Variants in GPHN observed in about 807,000 individuals in gnomAD.
GPHN encodes gephyrin.
A neutral mutation model predicts 95.5 loss-of-function variants in GPHN; 17 were observed. The ratio of observed to expected loss-of-function variants is 0.18; its 90% CI spans 0.12 to 0.27. GPHN has a LOEUF of 0.27. Ranked by LOEUF, GPHN falls within the 10% of genes least tolerant of loss-of-function variation. The probability of loss-of-function intolerance (pLI) is 1.00; values close to 1 mark genes in which losing one functional copy is unlikely to be tolerated. For missense variants in GPHN, 660 were observed against 978.1 expected (o/e 0.67, Z 4.34); for synonymous variants, 320 against 322.5 (o/e 0.99, Z 0.08).
intron 2 of GPHN, among the ~76,000 whole-genome samples, chr14:66,708,115 G>C (rs745665853): frequency 5.3e-5 from 8 of 151,974 alleles, no homozygotes; most frequent in Non-Finnish European, 7.4e-5. Context: ...TCATAAAAGT[G>C]CTCAGTATCA....
the GPHN span, chr14:67,203,368 A>G: frequency 8.0e-7 from 1 of 1,250,446 alleles, no homozygotes; most frequent in Non-Finnish European, 1.1e-6. Flanking sequence ...AAACGGAAAC[A>G]CTGATGACAA....
chr14:67,110,350 T>G, intron 14 of GPHN, 91 bp downstream of exon 14: 1 of 1,415,448 alleles, frequency 7.1e-7, no homozygotes, highest in Non-Finnish European at 1.0e-6. Flanking sequence ...ATTAACCCAG[T>G]TTTTTGGGTT....
intron 5 of GPHN, among the ~76,000 whole-genome samples, chr14:66,899,979 A>C (rs2065049257): frequency 6.6e-6 from 1 of 151,860 alleles, no homozygotes; most frequent in South Asian, 2.1e-4. Context: ...TATATGGTTA[A>C]TGTAGTATTT....
At chr14:66,933,283 C>G (rs896812871) in intron 8 of GPHN, among the ~76,000 whole-genome samples, 2 of 152,212 alleles carry the variant, frequency 1.3e-5, no homozygotes, top group African/African-American at 4.8e-5. Flanking sequence ...GTTATGTTAA[C>G]TTTGAATGCT....
At chr14:67,204,831 C>A in the GPHN span, 1 of 1,613,982 alleles carries the variant, frequency 6.2e-7, no homozygotes, top group Non-Finnish European at 8.5e-7. Flanking sequence ...TGACCCCGTA[C>A]ATGTATGCAG....
intron 19 of GPHN, among the ~76,000 whole-genome samples, chr14:67,163,650 T>C (rs2082091538): frequency 6.6e-6 from 1 of 152,124 alleles, no homozygotes; most frequent in South Asian, 2.1e-4. Context: ...AGTGTCACTG[T>C]ATTATTGCAA....
Position 66,872,542 on chromosome 14 carries a change from T to C in GPHN, c.295-7397T>C, listed in dbSNP as rs549558873. Among the ~76,000 whole-genome samples the C allele has an allele frequency of 1.6e-4, 25 of 152,296 alleles. No homozygotes were observed. The East Asian group carries it at 4.3e-3, about 26-fold the overall frequency. On this transcript the variant is annotated intron_variant, in intron 4 of 22. Coordinates refer to ENST00000478722, the MANE Select transcript of GPHN (RefSeq NM_020806.5). Reference sequence around the variant, plus strand: ...GTCTTTAGGAAAATTTAGGAGACTTTAGGAAAATGAAATTTTCCTTTCATT... The same window carrying C: ...GTCTTTAGGAAAATTTAGGAGACTTCAGGAAAATGAAATTTTCCTTTCATT...
At chr14:66,790,468 A>T (rs2059932878) in intron 3 of GPHN, among the ~76,000 whole-genome samples, 1 of 152,192 alleles carries the variant, frequency 6.6e-6, no homozygotes, top group Admixed American at 6.5e-5. Flanking sequence ...GTAAATTTTG[A>T]GTTTGAAATG....
At chr14:67,028,069 T>C (rs940537660) in intron 10 of GPHN, among the ~76,000 whole-genome samples, 3 of 152,172 alleles carry the variant, frequency 2.0e-5, no homozygotes, top group African/African-American at 7.2e-5. Flanking sequence ...ATCACTCTGC[T>C]CACTGCCTCA....
At chr14:67,733,183 C>G in the GPHN span, among the ~76,000 whole-genome samples, 2 of 152,120 alleles carry the variant, frequency 1.3e-5, no homozygotes, top group Non-Finnish European at 2.9e-5. Context: ...CTCCCACCCC[C>G]TATCCCTCTA....
chr14:67,726,700 C>A, the GPHN span, among the ~76,000 whole-genome samples: 1 of 152,136 alleles, frequency 6.6e-6, no homozygotes, highest in Admixed American at 6.5e-5. Flanking sequence ...CCTAGTTATG[C>A]GATCATGGCC....
intron 9 of GPHN, among the ~76,000 whole-genome samples, chr14:66,998,885 A>AT (rs1221805597): frequency 8.7e-5 from 12 of 138,626 alleles, no homozygotes; most frequent in African/African-American, 2.9e-4. Flanking sequence ...TGTAAAAAAA[A>AT]AAAATATATA....
the GPHN span, among the ~76,000 whole-genome samples, chr14:67,416,618 A>G: frequency 6.6e-6 from 1 of 152,250 alleles, no homozygotes; most frequent in Admixed American, 6.5e-5. Context: ...ATGTATATTC[A>G]TTCATCTGTC....
At chr14:66,832,901 G>T (rs1321207337) in intron 4 of GPHN, among the ~76,000 whole-genome samples, 1 of 152,122 alleles carries the variant, frequency 6.6e-6, no homozygotes, top group Non-Finnish European at 1.5e-5. Context: ...GAAAAAGGAA[G>T]ACCTTAAAGG....
chr14:67,380,596 T>TATCA, the GPHN span: 2 of 857,560 alleles, frequency 2.3e-6, no homozygotes, highest in Non-Finnish European at 3.5e-6. Context: ...CCATAGTGTT[T>TATCA]GGTTTCACAT....
the GPHN span, among the ~76,000 whole-genome samples, chr14:67,548,976 C>T: frequency 0.19 from 29,296 of 152,244 alleles, 3,765 homozygotes; most frequent in Non-Finnish European, 0.29. Context: ...GCTCCTTCCA[C>T]CTCATATGGA....
the GPHN span, among the ~76,000 whole-genome samples, chr14:67,599,030 ATAGT>A: frequency 3.9e-5 from 6 of 152,188 alleles, no homozygotes; most frequent in African/African-American, 1.2e-4. Context: ...TACGGTTTAG[ATAGT>A]TAGATAGTTT....
chr14:66,820,728 G>C (rs921900129), intron 3 of GPHN, among the ~76,000 whole-genome samples: 45 of 152,136 alleles, frequency 3.0e-4, no homozygotes, highest in African/African-American at 1.1e-3. Flanking sequence ...ATGGAGAACT[G>C]TGTGTCTCAA....
chr14:67,209,505 G>A, the GPHN span, among the ~76,000 whole-genome samples: 2 of 152,134 alleles, frequency 1.3e-5, no homozygotes, highest in South Asian at 2.1e-4. Context: ...ACTCATATAT[G>A]TATGATAACA....
Sources: gnomAD v4.1 joint callset for allele counts (sites outside exome capture counted in the v4.1 genomes callset) on GRCh38, gnomAD v4.1.1 for gene constraint, MANE v1.5 for transcripts, NCBI Gene and HGNC (gene_info 2026-07-23, HGNC 2026-07-21) for gene names.